The following CNIH3 variants were observed in gnomAD, a reference collection of about 807,000 sequenced individuals.
The protein encoded by CNIH3 is cornichon family AMPA receptor auxiliary protein 3.
A neutral mutation model predicts 24.1 loss-of-function variants in CNIH3; 14 were observed. The ratio of observed to expected loss-of-function variants is 0.58; its 90% CI spans 0.38 to 0.91. The LOEUF (loss-of-function observed/expected upper bound fraction) is 0.91. CNIH3 is among the 40% of genes least tolerant of loss of function. The pLI, the probability that CNIH3 is intolerant of heterozygous loss-of-function variation, is 0.00. For missense variants in CNIH3, 178 were observed against 196.8 expected (o/e 0.90, Z 0.57); for synonymous variants, 68 against 73.8 (o/e 0.92, Z 0.40).
intron 3 of CNIH3, among the ~76,000 whole-genome samples, chr1:224,558,783 A>C (rs1680246744): frequency 6.6e-6 from 1 of 152,202 alleles, no homozygotes; most frequent in African/African-American, 2.4e-5. Context: ...AGATGTGGGG[A>C]GAGAGACTGT....
chr1:224,480,328 C>A (rs151118309), intron 1 of CNIH3, among the ~76,000 whole-genome samples: 9,523 of 152,284 alleles, frequency 0.063, 414 homozygotes, highest in Admixed American at 0.1. Context: ...GCCTCTGGGC[C>A]TGTGATGGGA....
downstream of CNIH3, among the ~76,000 whole-genome samples, chr1:224,538,937 C>T (rs1389295357): frequency 6.7e-6 from 1 of 150,232 alleles, no homozygotes; most frequent in African/African-American, 2.5e-5. Flanking sequence ...CAAAGTGCTG[C>T]GATTACAGGC....
intron 4 of CNIH3, among the ~76,000 whole-genome samples, chr1:224,582,975 C>T (rs1452702198): frequency 1.3e-5 from 2 of 152,170 alleles, no homozygotes; most frequent in Non-Finnish European, 2.9e-5. Context: ...TGGGAGTTTA[C>T]AGAAGCTTCA....
At chr1:224,535,804 AG>A (rs1679259440) in intron 2 of CNIH3, among the ~76,000 whole-genome samples, 1 of 152,198 alleles carries the variant, frequency 6.6e-6, no homozygotes, top group Non-Finnish European at 1.5e-5. Flanking sequence ...TGAAGGAGGC[AG>A]GGCAAGGGCC....
intron 1 of CNIH3, among the ~76,000 whole-genome samples, chr1:224,644,130 C>T (rs555337940): frequency 1.3e-5 from 2 of 152,334 alleles, no homozygotes; most frequent in African/African-American, 4.8e-5. Flanking sequence ...AGGGCCTGCA[C>T]ATTCAACGCA....
chr1:224,555,073 A>C (rs188078484), intron 3 of CNIH3, among the ~76,000 whole-genome samples: 1 of 152,268 alleles, frequency 6.6e-6, no homozygotes, highest in East Asian at 1.9e-4. Flanking sequence ...GTGTCCTGGA[A>C]TCAATCCCCC....
At chr1:224,480,152 T>C (rs1340214671) in intron 1 of CNIH3, among the ~76,000 whole-genome samples, 2 of 152,206 alleles carry the variant, frequency 1.3e-5, no homozygotes, top group African/African-American at 2.4e-5. Context: ...CAACACCATG[T>C]GGAAGCTGCC....
intron 1 of CNIH3, among the ~76,000 whole-genome samples, chr1:224,640,314 C>G (rs1353472419): frequency 6.6e-6 from 1 of 152,238 alleles, no homozygotes; most frequent in Non-Finnish European, 1.5e-5. Flanking sequence ...GGTGGCTGGG[C>G]AGGTAACAGA....
chr1:224,622,167 CT>C (rs1333023166), intron 1 of CNIH3, among the ~76,000 whole-genome samples: 3 of 152,226 alleles, frequency 2.0e-5, no homozygotes, highest in African/African-American at 7.2e-5. Context: ...CTAACAGTAA[CT>C]CGTTTCTGAT....
chr1:224,464,528 C>CT (rs894376785), intron 1 of CNIH3, among the ~76,000 whole-genome samples: 1 of 152,164 alleles, frequency 6.6e-6, no homozygotes, highest in Non-Finnish European at 1.5e-5. Flanking sequence ...TCATTTCTTT[C>CT]TTTTTTGCAT....
intron 3 of CNIH3, among the ~76,000 whole-genome samples, chr1:224,705,220 C>G (rs1452272560): frequency 6.6e-6 from 1 of 152,176 alleles, no homozygotes; most frequent in Non-Finnish European, 1.5e-5. Flanking sequence ...TGACACTGAC[C>G]TCTTCTGAAG....
chr1:224,444,188 A>G (rs956299492), intron 1 of CNIH3, among the ~76,000 whole-genome samples: 2 of 152,188 alleles, frequency 1.3e-5, no homozygotes, highest in East Asian at 3.9e-4. Context: ...TCTAAAAGAT[A>G]AAACCTCCTT....
exon 1 of CNIH3, chr1:224,434,783 C>G (rs946756419): frequency 1.6e-5 from 16 of 986,342 alleles, no homozygotes; most frequent in Non-Finnish European, 1.9e-5. Flanking sequence ...ATTCTTCCCC[C>G]AGCTGCTGCC....
rs375450708 is a variant in CNIH3, at chr1:224,441,067, C to T, written n.203+6205C>T. On this transcript the variant is annotated intron_variant and non_coding_transcript_variant, in intron 1 of 5. Coordinates refer to the CNIH3 transcript ENST00000471578. ...TCCTGACCTCATGATCCGCCCCCCT[C>T]GGCCTCCCAAAGTGTTAGGATTACA... Among the ~76,000 whole-genome samples the T allele has an allele frequency of 4.5e-3, 692 of 152,280 alleles. 4 individuals carry two copies. The highest frequency in any genetic ancestry group is 5.6e-3 in the Non-Finnish European group (384 of 68,014).
intron 1 of CNIH3, among the ~76,000 whole-genome samples, chr1:224,648,070 C>T (rs1256938541): frequency 2.0e-5 from 3 of 152,034 alleles, no homozygotes; most frequent in African/African-American, 7.3e-5. Context: ...GAGTGAAGAA[C>T]CAGCCATGTC....
intron 5 of CNIH3, among the ~76,000 whole-genome samples, chr1:224,586,045 GAA>G (rs1325916071): frequency 6.6e-6 from 1 of 152,224 alleles, no homozygotes; most frequent in Non-Finnish European, 1.5e-5. Flanking sequence ...GAGGAAAAAG[GAA>G]AGACTTCCTT....
intron 3 of CNIH3, among the ~76,000 whole-genome samples, chr1:224,559,281 TA>T (rs1013089065): frequency 2.6e-5 from 4 of 152,168 alleles, no homozygotes; most frequent in Admixed American, 1.3e-4. Flanking sequence ...TCTTTTGTTT[TA>T]AAAAAATGAT....
intron 1 of CNIH3, among the ~76,000 whole-genome samples, chr1:224,620,942 T>A (rs1683250326): frequency 6.6e-6 from 1 of 152,236 alleles, no homozygotes; most frequent in Non-Finnish European, 1.5e-5. Context: ...GAATGGTGTT[T>A]ACTCACAAGA....
chr1:224,608,204 G>A (rs929021653), intron 3 of CNIH3, among the ~76,000 whole-genome samples: 10 of 152,308 alleles, frequency 6.6e-5, no homozygotes, highest in Middle Eastern at 3.4e-3. Context: ...CCAAGCTAAC[G>A]ACTTGAGCCA....
Sources: allele counts gnomAD v4.1 joint callset (sites outside exome capture counted in the v4.1 genomes callset), GRCh38; gene constraint gnomAD v4.1.1; transcripts MANE v1.5; gene names NCBI Gene and HGNC (gene_info 2026-07-23, HGNC 2026-07-21).